The following PARP14 variants were observed in gnomAD, a reference collection of about 807,000 sequenced individuals.
PARP14 encodes poly(ADP-ribose) polymerase family member 14, also known as protein mono-ADP-ribosyltransferase PARP14.
Under a neutral mutation model 154.2 loss-of-function variants are expected in PARP14, and 59 were observed. The ratio of observed to expected loss-of-function variants is 0.38; its 90% confidence interval spans 0.31 to 0.48. PARP14 has a LOEUF of 0.48. Ranked by LOEUF, PARP14 falls within the 20% of genes least tolerant of loss-of-function variation. The pLI is 0.98. For missense variants in PARP14, 1,734 were observed against 2,131.6 expected, an observed-to-expected ratio of 0.81 and a Z score of 3.67; for synonymous variants, 720 against 780.5, an observed-to-expected ratio of 0.92 and a Z score of 1.29.
chr3:122,720,731 A>G (rs1272518925), intron 15 of PARP14: 5 of 464,720 alleles, frequency 1.1e-5, no homozygotes, highest in African/African-American at 6.0e-5. Flanking sequence ...TCCTTAGATC[A>G]GGACCATGTT....
intron 15 of PARP14, 122 bp downstream of exon 15, chr3:122,720,510 A>G: frequency 3.3e-6 from 3 of 896,134 alleles, no homozygotes; most frequent in Non-Finnish European, 5.4e-6. Flanking sequence ...TAGAATTTGT[A>G]TGGTAATTAG....
chr3:122,692,370 A>G lies in PARP14; in HGVS notation c.425A>G (p.Glu142Gly), dbSNP rs554148073. The G allele has an allele frequency of 1.4e-5, 22 of 1,613,492 alleles. No homozygotes were observed. Among genetic ancestry groups the G allele is most frequent in the Non-Finnish European group, 1.9e-5 (22 of 1,179,458 alleles). The change falls in exon 4 of 17, where the codon GAG becomes GGG. Residue 142 changes from glutamate to glycine, a missense_variant. Physicochemically the swap from Glu to Gly is moderately conservative, Grantham distance 98. Coordinates refer to ENST00000474629, the MANE Select transcript of PARP14 (RefSeq NM_017554.3). ...GGLDKMEDIP[E>G]ECENISSLVA... Reference sequence around the variant, plus strand: ...TTAGACAAAATGGAAGATATCCCAGAGGAATGTGAAAATATTTCCTCTTTG... The same window carrying G: ...TTAGACAAAATGGAAGATATCCCAGGGGAATGTGAAAATATTTCCTCTTTG...
intron 9 of PARP14, among the ~76,000 whole-genome samples, chr3:122,711,863 G>A (rs571266715): frequency 1.2e-4 from 18 of 152,214 alleles, no homozygotes; most frequent in African/African-American, 4.3e-4. Flanking sequence ...TTTCTAGTTT[G>A]TGCATGTAAA....
At chr3:122,718,027 G>A (rs1288467135) in intron 12 of PARP14, 44 bp from the exon 13 acceptor site, 3 of 1,480,212 alleles carry the variant, frequency 2.0e-6, no homozygotes, top group Non-Finnish European at 2.8e-6. Context: ...CCTTCCACTT[G>A]GGGCTTTTTT....
At chr3:122,715,748 T>C (rs1421962011) in intron 12 of PARP14, among the ~76,000 whole-genome samples, 1 of 152,152 alleles carries the variant, frequency 6.6e-6, no homozygotes, top group South Asian at 2.1e-4. Flanking sequence ...TCTGTTTTTT[T>C]CTCTGAGCTC....
chr3:122,718,986 C>T (rs749263927), intron 14 of PARP14, 28 bp downstream of exon 14: 28 of 1,514,636 alleles, frequency 1.8e-5, no homozygotes, highest in African/African-American at 7.0e-5. Flanking sequence ...ACTTGTCATC[C>T]ACTATTTCAC....
Position 122,718,392 on chromosome 3 carries a change from A to G in PARP14, c.4241A>G (p.Lys1414Arg), listed in dbSNP as rs1211789796. The change falls in exon 14 of 17, where the codon AAA (lysine) becomes AGA (arginine). Residue 1414 changes from lysine (K) to arginine (R), a missense_variant. Transcript: ENST00000474629. ...GGCTTTTCAAAGCAATCTCCCCAAA[A>G]AAAGAATCATTTGGTTTTGGAAAAG... ...FLGFSKQSPQ[K>R]KNHLVLEKKT... The G allele has an allele frequency of 6.2e-7, 1 of 1,612,568 alleles. No homozygotes were observed. The highest frequency in any genetic ancestry group is 2.2e-5 in the East Asian group (1 of 44,888).
intron 15 of PARP14, among the ~76,000 whole-genome samples, chr3:122,726,217 A>G (rs1933282968): frequency 6.6e-6 from 1 of 152,102 alleles, no homozygotes; most frequent in Admixed American, 6.5e-5. Context: ...CTATATTTCC[A>G]TGCTTCCATG....
intron 8 of PARP14, among the ~76,000 whole-genome samples, chr3:122,705,619 A>G (rs1410988507): frequency 6.6e-6 from 1 of 152,200 alleles, no homozygotes; most frequent in Non-Finnish European, 1.5e-5. Context: ...TCTTTACTTA[A>G]TCAAATAAAG....
At chr3:122,726,706 T>G (rs1933296021) in intron 15 of PARP14, among the ~76,000 whole-genome samples, 3 of 152,098 alleles carry the variant, frequency 2.0e-5, no homozygotes, top group Non-Finnish European at 4.4e-5. Context: ...TTTAAAAATT[T>G]TAAAAGGTAA....
At position 122,701,953 on chromosome 3, in the gene PARP14, G is replaced by A. The variant is rs1938993743; in HGVS notation, c.3081+318G>A. 1.3e-5 allele frequency among the ~76,000 whole-genome samples: 2 copies of A among 152,126 alleles called. No homozygotes were observed. The highest frequency in any genetic ancestry group is 1.5e-5 in the Non-Finnish European group (1 of 68,018). ...CTATACCTTACACCTGCCGTGTTTT[G>A]GTAAATCTAAGACTAATTTCCTAAT... is the stretch of plus-strand genomic sequence containing the variant. On this transcript the variant is annotated intron_variant, in intron 6 of 16. Coordinates refer to ENST00000474629, the MANE Select transcript of PARP14 (RefSeq NM_017554.3). This position sits in a 1 kb window ranked among gnomAD's most constrained non-coding sequence, Gnocchi z 4.0.
At chr3:122,716,467 C>T (rs184573501) in intron 12 of PARP14, among the ~76,000 whole-genome samples, 10 of 152,286 alleles carry the variant, frequency 6.6e-5, no homozygotes, top group Admixed American at 1.3e-4. Context: ...AGAAAAGGAT[C>T]CAGTTCACAA....
Position 122,685,170 on chromosome 3 carries a change from C to T in PARP14, c.188-15C>T, listed in dbSNP as rs1938330672. 2.5e-6 allele frequency: 4 copies of T among 1,612,888 alleles called. No individual in the cohort carries two copies. Among genetic ancestry groups the T allele is most frequent in the Non-Finnish European group, 3.4e-6 (4 of 1,179,150 alleles). On this transcript the variant is annotated splice_polypyrimidine_tract_variant and intron_variant, in intron 1 of 16. Transcript: ENST00000474629. ...GCTTGTCATTTGTCTTTTTTCCCCC[C>T]TTTGGACATTTCAGTTCGGCAGAAG...
chr3:122,713,809 G>A (rs1939396703), intron 10 of PARP14, 63 bp from the exon 11 acceptor site: 7 of 1,223,626 alleles, frequency 5.7e-6, no homozygotes, highest in Non-Finnish European at 8.5e-6. Context: ...TAATCCTTCT[G>A]ATCCAAATAT....
chr3:122,720,351 A>C lies in PARP14; in HGVS notation c.4904A>C (p.Lys1635Thr). ...SDPEYNTVAS[K>T]FNQTCSHFRI... ...CCTGAGTACAACACGGTGGCAAGCAAGTTTAATCAGACCTGCTCACACTTC... is the reference window on the plus strand; with the variant it reads ...CCTGAGTACAACACGGTGGCAAGCACGTTTAATCAGACCTGCTCACACTTC... The change falls in exon 15 of 17, where the codon AAG becomes ACG. Residue 1635 changes from lysine (K) to threonine (T), a missense_variant. Coordinates refer to ENST00000474629, the MANE Select transcript of PARP14 (RefSeq NM_017554.3). The C allele has an allele frequency of 1.9e-6, 3 of 1,613,170 alleles. No individual in the cohort carries two copies. Among genetic ancestry groups the C allele is most frequent in the Non-Finnish European group, 2.5e-6 (3 of 1,179,534 alleles).
intron 15 of PARP14, chr3:122,722,120 G>T (rs1933178949): frequency 6.6e-6 from 1 of 152,116 alleles, no homozygotes; most frequent in African/African-American, 2.4e-5. Flanking sequence ...ACAATACTGA[G>T]ACTGACTCCT....
intron 3 of PARP14, among the ~76,000 whole-genome samples, chr3:122,692,075 T>C (rs1397567177): frequency 6.6e-6 from 1 of 152,192 alleles, no homozygotes; most frequent in Non-Finnish European, 1.5e-5. Flanking sequence ...TACAGACCTA[T>C]TTTGTCAAAA....
At chr3:122,683,492 T>G (rs568358218) in intron 1 of PARP14, among the ~76,000 whole-genome samples, 11 of 152,380 alleles carry the variant, frequency 7.2e-5, no homozygotes, top group African/African-American at 2.6e-4. Flanking sequence ...CATAACATTT[T>G]AAGCCCTGTT....
rs571318005 is a variant in PARP14, at chr3:122,704,557, G to A, written c.3349G>A (p.Glu1117Lys). 1.2e-6 allele frequency: 2 copies of A among 1,603,732 alleles called. No individual in the cohort carries two copies. The highest frequency in any genetic ancestry group is 1.1e-5 in the South Asian group (1 of 89,360). ...IMEDIIRECM[E>K]ITESLSLKSI... ...GGAAGACATAATCAGAGAATGTATGGAGATCACTGAGAGCTTGTCCTTAAA... is the reference window on the plus strand; with the variant it reads ...GGAAGACATAATCAGAGAATGTATGAAGATCACTGAGAGCTTGTCCTTAAA... Residue 1117 changes from glutamate to lysine, a missense_variant, in exon 8 of 17, where the codon GAG (glutamate) becomes AAG (lysine). Physicochemically the swap from Glu to Lys is moderately conservative, Grantham distance 56 (BLOSUM62 1). Around this residue, in one of 2 missense-constraint regions of PARP14, gnomAD observed 1,646 missense variants for 1,976.0 expected, o/e 0.83. Transcript: ENST00000474629.
Sources: gnomAD v4.1 joint callset for allele counts (sites outside exome capture counted in the v4.1 genomes callset) on GRCh38, gnomAD v4.1.1 for gene constraint, gnomAD v4.1.1 regional missense constraint, Gnocchi (gnomAD v3.1) non-coding constraint, MANE v1.5 for transcripts, NCBI Gene and HGNC (gene_info 2026-07-23, HGNC 2026-07-21) for gene names.